Variants in MAF observed in about 807,000 individuals in gnomAD.
MAF encodes MAF bZIP transcription factor.
MAF carries 10 observed loss-of-function variants against 22.0 expected under a neutral mutation model. The observed-to-expected ratio is 0.45, with a 90% CI of 0.28 to 0.77. The LOEUF is 0.77. MAF is among the 30% of genes least tolerant of loss of function. The probability of loss-of-function intolerance (pLI) is 0.12; values close to 1 mark genes in which losing one functional copy is unlikely to be tolerated. For missense variants in MAF, 544 were observed against 548.4 expected (o/e 0.99, Z 0.08); for synonymous variants, 337 against 255.8 (o/e 1.32, Z -3.03).
At chr16:79,589,445 T>A (rs549119626), downstream of MAF, among the ~76,000 whole-genome samples, 17 of 152,164 alleles carry the variant, frequency 1.1e-4, no homozygotes, top group Non-Finnish European at 1.9e-4. Flanking sequence ...CCCGCTTGCC[T>A]TTCTCTTTTT....
the MAF span, among the ~76,000 whole-genome samples, chr16:79,345,853 T>C: frequency 3.9e-5 from 6 of 151,968 alleles, no homozygotes; most frequent in Non-Finnish European, 7.4e-5. Flanking sequence ...TTAGGTTGCT[T>C]TGATGTTTGG....
the MAF span, among the ~76,000 whole-genome samples, chr16:79,331,227 C>G: frequency 6.6e-6 from 1 of 152,154 alleles, no homozygotes; most frequent in South Asian, 2.1e-4. Flanking sequence ...TTTTGCCTGG[C>G]CTGGAAAACT....
the MAF span, among the ~76,000 whole-genome samples, chr16:79,302,423 T>C: frequency 6.6e-6 from 1 of 152,220 alleles, no homozygotes; most frequent in Non-Finnish European, 1.5e-5. Context: ...TTTCTGCCAC[T>C]GCACGTTAAT....
the MAF span, among the ~76,000 whole-genome samples, chr16:79,470,586 A>G: frequency 1.3e-5 from 2 of 152,226 alleles, no homozygotes; most frequent in African/African-American, 4.8e-5. Flanking sequence ...TGTGCTAAGC[A>G]TATTTTATTT....
At chr16:79,352,412 G>C in the MAF span, among the ~76,000 whole-genome samples, 1 of 152,114 alleles carries the variant, frequency 6.6e-6, no homozygotes, top group African/African-American at 2.4e-5. Context: ...GGTCAGGGTG[G>C]ATGCCTGACG....
At chr16:79,526,980 G>T in the MAF span, among the ~76,000 whole-genome samples, 4 of 152,046 alleles carry the variant, frequency 2.6e-5, no homozygotes, top group Non-Finnish European at 4.4e-5. Context: ...TTTAATAATG[G>T]CTGTTTTTAA....
At chr16:79,294,018 C>T in the MAF span, among the ~76,000 whole-genome samples, 1 of 152,158 alleles carries the variant, frequency 6.6e-6, no homozygotes, top group Non-Finnish European at 1.5e-5. Context: ...AGGTAAGATA[C>T]CACGATTGTG....
At chr16:79,291,947 A>G in the MAF span, among the ~76,000 whole-genome samples, 1 of 151,324 alleles carries the variant, frequency 6.6e-6, no homozygotes, top group African/African-American at 2.4e-5. Context: ...ATGAGGGTAC[A>G]ACAGTAGGGC....
chr16:79,550,735 C>T, the MAF span, among the ~76,000 whole-genome samples: 1 of 152,070 alleles, frequency 6.6e-6, no homozygotes, highest in Non-Finnish European at 1.5e-5. Context: ...GGATTTTGCA[C>T]CATCTAATCT....
At chr16:79,470,817 G>A in the MAF span, among the ~76,000 whole-genome samples, 2 of 152,176 alleles carry the variant, frequency 1.3e-5, no homozygotes, top group Non-Finnish European at 2.9e-5. Context: ...GATGACTGAA[G>A]TTTAGCTGAC....
chr16:79,210,425 T>C, the MAF span, among the ~76,000 whole-genome samples: 2 of 152,184 alleles, frequency 1.3e-5, no homozygotes, highest in African/African-American at 4.8e-5. Context: ...ATGGTCACAA[T>C]GTAAACCCTG....
At chr16:79,410,488 G>A in the MAF span, among the ~76,000 whole-genome samples, 1 of 152,200 alleles carries the variant, frequency 6.6e-6, no homozygotes, top group South Asian at 2.1e-4. Context: ...CACCTATGTG[G>A]TCCACAGATA....
At chr16:79,521,754 G>A in the MAF span, among the ~76,000 whole-genome samples, 11 of 152,200 alleles carry the variant, frequency 7.2e-5, no homozygotes, top group Admixed American at 5.9e-4. Context: ...GATTTCAATA[G>A]GACAGCTCAT....
chr16:79,422,258 G>C, the MAF span, among the ~76,000 whole-genome samples: 1 of 152,168 alleles, frequency 6.6e-6, no homozygotes, highest in Non-Finnish European at 1.5e-5. Flanking sequence ...TCATGGTTGC[G>C]AAGAATTAGG....
At chr16:79,222,999 C>G in the MAF span, among the ~76,000 whole-genome samples, 3 of 152,148 alleles carry the variant, frequency 2.0e-5, no homozygotes, top group Admixed American at 2.0e-4. Flanking sequence ...GACTTGAACT[C>G]AGCTCTGGAC....
At chr16:79,281,276 G>A in the MAF span, among the ~76,000 whole-genome samples, 2 of 149,598 alleles carry the variant, frequency 1.3e-5, no homozygotes, top group African/African-American at 4.9e-5. Flanking sequence ...TTAGGTAAAT[G>A]CTCCAGCTAA....
the MAF span, among the ~76,000 whole-genome samples, chr16:79,576,015 G>A: frequency 6.6e-6 from 1 of 151,920 alleles, no homozygotes; most frequent in African/African-American, 2.4e-5. Context: ...GTACTCATGA[G>A]CCACTCCCAC....
At chr16:79,556,370 G>A in the MAF span, among the ~76,000 whole-genome samples, 1 of 152,174 alleles carries the variant, frequency 6.6e-6, no homozygotes, top group South Asian at 2.1e-4. Flanking sequence ...GGCATACCCT[G>A]AAAGTCCACA....
the MAF span, among the ~76,000 whole-genome samples, chr16:79,434,954 C>T: frequency 1.3e-5 from 2 of 152,040 alleles, no homozygotes; most frequent in Admixed American, 6.6e-5. Flanking sequence ...TAATGGTCTG[C>T]GACTGGTGAT....
Sources: gnomAD v4.1 joint callset for allele counts (sites outside exome capture counted in the v4.1 genomes callset) on GRCh38, gnomAD v4.1.1 for gene constraint, MANE v1.5 for transcripts, NCBI Gene and HGNC (gene_info 2026-07-23, HGNC 2026-07-21) for gene names.